The following RCSD1 variants were observed in gnomAD, a reference collection of about 807,000 sequenced individuals.
RCSD1 encodes the protein RCSD domain containing 1.
In RCSD1, 26 loss-of-function variants were observed where a neutral mutation model predicts 42.5. That is an observed-to-expected ratio of 0.61 (90% CI 0.45 to 0.85). RCSD1 has a LOEUF of 0.85. Among genes scored for constraint, RCSD1 ranks in the 40% least tolerant of loss-of-function variants. The pLI is 0.00. For missense variants in RCSD1, 571 were observed against 528.3 expected (o/e 1.08, Z -0.79); for synonymous variants, 220 against 212.2 (o/e 1.04, Z -0.32).
chr1:167,668,117 C>T (rs1658703194), intron 1 of RCSD1, among the ~76,000 whole-genome samples: 1 of 152,038 alleles, frequency 6.6e-6, no homozygotes, highest in Admixed American at 6.6e-5. Context: ...ATAGTGAAAC[C>T]CCCGTCTCTA....
chr1:167,678,033 T>C (rs1013325154), intron 1 of RCSD1, among the ~76,000 whole-genome samples: 4 of 152,202 alleles, frequency 2.6e-5, no homozygotes, highest in African/African-American at 9.7e-5. Flanking sequence ...GCCCATCCCA[T>C]CTGCATTCTA....
chr1:167,699,168 A>G (rs752542151), intron 6 of RCSD1, among the ~76,000 whole-genome samples: 9 of 152,142 alleles, frequency 5.9e-5, no homozygotes, highest in Non-Finnish European at 1.2e-4. Context: ...TCTGGACAGC[A>G]ACCAGCAGGT....
chr1:167,637,376 C>G (rs920324612), intron 1 of RCSD1, among the ~76,000 whole-genome samples: 1 of 152,124 alleles, frequency 6.6e-6, no homozygotes, highest in Non-Finnish European at 1.5e-5. Flanking sequence ...CAAGATATAC[C>G]CAAATGACAT....
rs187348328 is a variant in RCSD1 at position 167,641,419 on chromosome 1, A to G, written c.6+10990A>G. On this transcript the variant is annotated intron_variant, in intron 1 of 6. Transcript: ENST00000367854. ...TGCACCAAGACGCTACCAAATGCAAATTAATAAGACCAATCCTGGCTGGGT... is the reference window on the plus strand; with the variant it reads ...TGCACCAAGACGCTACCAAATGCAAGTTAATAAGACCAATCCTGGCTGGGT... The G allele has an allele frequency of 9.2e-5, 14 of 152,274 alleles. No individual in the cohort carries two copies. The East Asian group carries it at 1.2e-3, about 13-fold the overall frequency. The allele number at this position is 152,274 out of a possible 1,614,324, so 9.4% of individuals were successfully genotyped here.
At chr1:167,635,370 G>A (rs1253997609) in intron 1 of RCSD1, among the ~76,000 whole-genome samples, 2 of 152,170 alleles carry the variant, frequency 1.3e-5, no homozygotes, top group East Asian at 1.9e-4. Flanking sequence ...CCCCCACTCA[G>A]CAGACATCTT....
chr1:167,691,563 C>T (rs1659378421), intron 4 of RCSD1, among the ~76,000 whole-genome samples: 1 of 152,228 alleles, frequency 6.6e-6, no homozygotes, highest in Non-Finnish European at 1.5e-5. Flanking sequence ...GTGCACCATA[C>T]CTCCCATCCA....
chr1:167,642,532 T>C (rs1658032658), intron 1 of RCSD1, among the ~76,000 whole-genome samples: 1 of 152,188 alleles, frequency 6.6e-6, no homozygotes, highest in South Asian at 2.1e-4. Flanking sequence ...CAGGAAAATA[T>C]ATCAGAGAAA....
intron 1 of RCSD1, among the ~76,000 whole-genome samples, chr1:167,638,089 G>GT (rs1315504527): frequency 6.6e-6 from 1 of 152,162 alleles, no homozygotes; most frequent in Non-Finnish European, 1.5e-5. Flanking sequence ...ACCTTCAATA[G>GT]TTCATTCCCA....
chr1:167,679,537 C>G (rs950955046), intron 1 of RCSD1, among the ~76,000 whole-genome samples: 1 of 152,220 alleles, frequency 6.6e-6, no homozygotes, highest in African/African-American at 2.4e-5. Context: ...CGTGGTCACA[C>G]TGGAAGGGGT....
chr1:167,672,736 C>A (rs1658840495), intron 1 of RCSD1, among the ~76,000 whole-genome samples: 2 of 152,226 alleles, frequency 1.3e-5, no homozygotes, highest in African/African-American at 4.8e-5. Flanking sequence ...TTTAATCTAA[C>A]ATATTCACAG....
chr1:167,653,475 A>C (rs1351798578), intron 1 of RCSD1, among the ~76,000 whole-genome samples: 3 of 152,216 alleles, frequency 2.0e-5, no homozygotes, highest in Non-Finnish European at 4.4e-5. Flanking sequence ...GATTTAACAG[A>C]TGGAGATCTG....
chr1:167,679,274 G>T (rs535151974), intron 1 of RCSD1, among the ~76,000 whole-genome samples: 5 of 152,288 alleles, frequency 3.3e-5, no homozygotes, highest in African/African-American at 1.2e-4. Flanking sequence ...AGAGAGGTAA[G>T]AATTACAGAA....
chr1:167,647,604 G>A (rs1658190495), intron 1 of RCSD1, among the ~76,000 whole-genome samples: 2 of 152,080 alleles, frequency 1.3e-5, no homozygotes, highest in Admixed American at 6.6e-5. Context: ...AGCAGTGCAT[G>A]GTGGTGCACC....
In RCSD1 at chr1:167,697,859, G is replaced by C; in HGVS notation, c.1218+17G>C. On this transcript the variant is annotated intron_variant, in intron 6 of 6. Coordinates refer to ENST00000367854, the MANE Select transcript of RCSD1 (RefSeq NM_052862.4). ...AAGCCGGAGGTAGGTGGCCTGGCTC[G>C]TTCACATGCAGAAGGCAGTGCCAGG... 1 of 1,453,044 alleles carries C rather than the reference G, an allele frequency of 6.9e-7. No homozygotes were observed. Among genetic ancestry groups the C allele is most frequent in the Non-Finnish European group, 9.1e-7 (1 of 1,102,812 alleles). 90.0% of individuals were successfully genotyped at this position (1,453,044 alleles called of 1,614,324 possible). A position where few individuals can be genotyped will look rare whatever the true frequency, so the allele number is the denominator to read the frequency against.
At chr1:167,703,299 C>T (rs904721988) in intron 6 of RCSD1, among the ~76,000 whole-genome samples, 10 of 152,118 alleles carry the variant, frequency 6.6e-5, no homozygotes, top group Non-Finnish European at 1.3e-4. Flanking sequence ...TCCCACCCAC[C>T]GCTCCTCCTT....
intron 1 of RCSD1, 180 bp downstream of exon 1, chr1:167,630,609 G>GGACCAGGGACGA: frequency 1.9e-6 from 1 of 536,422 alleles, no homozygotes; most frequent in South Asian, 6.1e-5. Flanking sequence ...ATCGTCCCTG[G>GGACCAGGGACGA]TCCCACCTAG....
chr1:167,691,363 A>G (rs1376173025), intron 4 of RCSD1, among the ~76,000 whole-genome samples: 2 of 152,236 alleles, frequency 1.3e-5, no homozygotes, highest in Admixed American at 6.5e-5. Context: ...TGAAACACCT[A>G]TGTCCTGAGC....
intron 2 of RCSD1, 73 bp downstream of exon 2, chr1:167,684,074 G>T (rs554508419): frequency 8.3e-7 from 1 of 1,207,630 alleles, no homozygotes; most frequent in African/African-American, 1.5e-5. Flanking sequence ...CAGGCCCAGC[G>T]GAGAGGGAGG....
At position 167,682,476 on chromosome 1, in the gene RCSD1, C is replaced by G. The variant is rs142278609; in HGVS notation, c.7-1424C>G. Reference sequence around the variant, plus strand: ...AGCCACCATGTCCGGCCTGTCAAAGCCTTCTTCTCAAAACTTTGCCCCATT... The same window carrying G: ...AGCCACCATGTCCGGCCTGTCAAAGGCTTCTTCTCAAAACTTTGCCCCATT... On this transcript the variant is annotated intron_variant, in intron 1 of 6. Coordinates refer to ENST00000367854, the MANE Select transcript of RCSD1 (RefSeq NM_052862.4). 3.8e-3 allele frequency among the ~76,000 whole-genome samples: 578 copies of G among 152,258 alleles called. 4 individuals are homozygous for G. The highest frequency in any genetic ancestry group is 0.013 in the African/African-American group (527 of 41,544).
Sources: allele counts gnomAD v4.1 joint callset (sites outside exome capture counted in the v4.1 genomes callset), GRCh38; gene constraint gnomAD v4.1.1; transcripts MANE v1.5; gene names NCBI Gene and HGNC (gene_info 2026-07-23, HGNC 2026-07-21).